Variants in EXD3 observed in about 807,000 individuals in gnomAD.
EXD3 encodes the protein exonuclease 3'-5' domain containing 3, also known as exonuclease mut-7 homolog.
EXD3 carries 92 observed loss-of-function variants against 98.0 expected under a neutral mutation model. The observed-to-expected ratio is 0.94, with a 90% CI of 0.79 to 1.12. EXD3 has a LOEUF of 1.12. EXD3 is among the 50% of genes most tolerant of loss of function. The probability of loss-of-function intolerance (pLI) is 0.00; values close to 1 mark genes in which losing one functional copy is unlikely to be tolerated. For missense variants in EXD3, 1,222 were observed against 1,191.6 expected (o/e 1.03, Z -0.38); for synonymous variants, 569 against 526.0 (o/e 1.08, Z -1.12).
chr9:137,396,659 T>G (rs1412119959), intron 1 of EXD3, among the ~76,000 whole-genome samples: 1 of 152,134 alleles, frequency 6.6e-6, no homozygotes. Context: ...CACAACCTCC[T>G]GAAAAAAGTT....
rs746568313 is a variant in EXD3, at chr9:137,324,087, C to T, written c.2052+3G>A. The T allele has an allele frequency of 1.3e-5, 21 of 1,585,776 alleles. No individual in the cohort carries two copies. Among genetic ancestry groups the T allele is most frequent in the Non-Finnish European group, 1.8e-5 (21 of 1,166,878 alleles). ...CCACTGAGCTTATCTTTGGGACACT[C>T]ACCTTGTGGAATGGCTGCCCCGACG... is the stretch of plus-strand genomic sequence containing the variant. On this transcript the variant is annotated splice_donor_region_variant and intron_variant, in intron 18 of 21. Coordinates refer to ENST00000340951, the MANE Select transcript of EXD3 (RefSeq NM_017820.5). The surrounding 1 kb of genome is among the most constrained non-coding windows in gnomAD (Gnocchi z 4.1).
At chr9:137,319,801 T>C (rs1831928543) in intron 19 of EXD3, among the ~76,000 whole-genome samples, 1 of 152,176 alleles carries the variant, frequency 6.6e-6, no homozygotes, top group Admixed American at 6.5e-5. Flanking sequence ...TAGACCCCTT[T>C]CTTGCTCTCC....
intron 2 of EXD3, among the ~76,000 whole-genome samples, chr9:137,384,192 G>A (rs572582849): frequency 6.6e-6 from 1 of 152,340 alleles, no homozygotes; most frequent in African/African-American, 2.4e-5. Flanking sequence ...CGGGAACAGG[G>A]AAGGCCCCGT....
chr9:137,368,839 C>A (rs1455778491), intron 5 of EXD3, among the ~76,000 whole-genome samples: 4 of 151,596 alleles, frequency 2.6e-5, no homozygotes, highest in Non-Finnish European at 4.4e-5. Flanking sequence ...GCCCATGGGG[C>A]GCAGGGCCCG....
intron 10 of EXD3, chr9:137,353,974 T>G (rs9696222): frequency 0.89 from 963,279 of 1,083,778 alleles, 428,302 homozygotes; most frequent in East Asian, 1. Context: ...GGCACCGGGC[T>G]GGGGGGGCCT....
At chr9:137,384,633 GA>G (rs1298404887) in intron 2 of EXD3, among the ~76,000 whole-genome samples, 1 of 152,244 alleles carries the variant, frequency 6.6e-6, no homozygotes, top group Non-Finnish European at 1.5e-5. Context: ...TGATTACACA[GA>G]AAGCCACGAA....
intron 1 of EXD3, among the ~76,000 whole-genome samples, chr9:137,401,725 C>T (rs1468651680): frequency 6.6e-6 from 1 of 152,212 alleles, no homozygotes; most frequent in East Asian, 1.9e-4. Context: ...GGACATGGGG[C>T]ACCAAGTCCC....
At chr9:137,317,104 G>A (rs1831715235) in intron 19 of EXD3, among the ~76,000 whole-genome samples, 1 of 152,156 alleles carries the variant, frequency 6.6e-6, no homozygotes, top group African/African-American at 2.4e-5. Context: ...GGGAAGGAAA[G>A]GGTCAGGAGA....
At position 137,403,310 on chromosome 9, in the gene EXD3, G is replaced by A. The variant is rs555985911; in HGVS notation, c.-47-7906C>T. Among the ~76,000 whole-genome samples, 5 of 152,126 alleles carry A rather than the reference G, an allele frequency of 3.3e-5. No individual in the cohort carries two copies. In the South Asian group the frequency reaches 1.0e-3, roughly 32 times the overall value. ...GCAGACCCGAACGCGTCTCCTCCCG[G>A]CTGGTCTGTCCAGGAAAAAGCCCTC... On this transcript the variant is annotated intron_variant, in intron 1 of 21. Coordinates refer to ENST00000340951, the MANE Select transcript of EXD3 (RefSeq NM_017820.5). The surrounding 1 kb of genome is among the most constrained non-coding windows in gnomAD (Gnocchi z 6.1).
intron 1 of EXD3, among the ~76,000 whole-genome samples, chr9:137,417,777 C>T (rs1838307881): frequency 6.6e-6 from 1 of 152,132 alleles, no homozygotes; most frequent in Non-Finnish European, 1.5e-5. Context: ...GGGCCCTTCC[C>T]GCCTCCTTCA....
intron 5 of EXD3, among the ~76,000 whole-genome samples, chr9:137,370,522 A>C (rs1210845662): frequency 6.6e-6 from 1 of 151,160 alleles, no homozygotes; most frequent in East Asian, 2.0e-4. Flanking sequence ...CACCAGGAAG[A>C]GAGAGACGAG....
intron 1 of EXD3, among the ~76,000 whole-genome samples, chr9:137,412,620 G>A (rs1838053803): frequency 6.6e-6 from 1 of 152,076 alleles, no homozygotes. Flanking sequence ...CCAGAGGCAC[G>A]AGGGCACAGC....
intron 1 of EXD3, among the ~76,000 whole-genome samples, chr9:137,400,101 A>T (rs578217677): frequency 6.6e-6 from 1 of 152,050 alleles, no homozygotes; most frequent in African/African-American, 2.4e-5. Flanking sequence ...GTCAGATCTC[A>T]TGAGACTTAC....
rs542428399 is a variant in EXD3, at chr9:137,368,565, G to A, written c.463-576C>T. Among the ~76,000 whole-genome samples the A allele has an allele frequency of 3.9e-5, 6 of 152,316 alleles. No homozygotes were observed. In the East Asian group the frequency reaches 1.2e-3, roughly 29 times the overall value. The stretch of plus-strand genomic sequence containing the variant: ...GCCCTGACCGCCTGCACGTACCACG[G>A]GCCTGAGCTGCTATTAATAATTTCC... On this transcript the variant is annotated intron_variant, in intron 5 of 21. Coordinates refer to ENST00000340951, the MANE Select transcript of EXD3 (RefSeq NM_017820.5).
chr9:137,376,409 C>T (rs1835907049), intron 3 of EXD3, among the ~76,000 whole-genome samples: 1 of 150,346 alleles, frequency 6.7e-6, no homozygotes, highest in African/African-American at 2.4e-5. Context: ...TCACCAGACA[C>T]TCCCTACAGG....
intron 17 of EXD3, among the ~76,000 whole-genome samples, chr9:137,325,478 G>C (rs1353578953): frequency 6.6e-6 from 1 of 152,066 alleles, no homozygotes; most frequent in East Asian, 1.9e-4. Context: ...TGTCGCCCAG[G>C]CTGGAGTGCA....
In EXD3 at chr9:137,371,987, C is replaced by T. The variant is rs1387710513; in HGVS notation, c.462+918G>A. On this transcript the variant is annotated intron_variant, in intron 5 of 21. Coordinates refer to ENST00000340951, the MANE Select transcript of EXD3 (RefSeq NM_017820.5). This position sits in a 1 kb window ranked among gnomAD's most constrained non-coding sequence, Gnocchi z 8.0. ...AAACCCAAGTCACAGCTTGGCCAGGCTCAGGACGACGGGGCTGTGATGCTA... is the reference window on the plus strand; with the variant it reads ...AAACCCAAGTCACAGCTTGGCCAGGTTCAGGACGACGGGGCTGTGATGCTA... Among the ~76,000 whole-genome samples, 1 of 152,192 alleles carries T rather than the reference C, an allele frequency of 6.6e-6. No homozygotes were observed. The highest frequency in any genetic ancestry group is 2.4e-5 in the African/African-American group (1 of 41,458).
At chr9:137,375,931 G>C (rs183657092) in intron 3 of EXD3, among the ~76,000 whole-genome samples, 1 of 152,222 alleles carries the variant, frequency 6.6e-6, no homozygotes, top group African/African-American at 2.4e-5. Flanking sequence ...GGGGAGTAAC[G>C]GGACATCGAT....
In EXD3 at chr9:137,323,709, G is replaced by A. The variant is rs1167917917; in HGVS notation, c.2184+16C>T. ...CTTGTGCCAGCCCCAGGTAGGACGG[G>A]GTGCGCAGGACCCACCTGGCAGCGG... is the stretch of plus-strand genomic sequence containing the variant. On this transcript the variant is annotated intron_variant, in intron 19 of 21. Transcript: ENST00000340951. 6 of 1,610,318 alleles carry A rather than the reference G, an allele frequency of 3.7e-6. No homozygotes were observed. The highest frequency in any genetic ancestry group is 1.3e-5 in the African/African-American group (1 of 74,884).
Sources: allele counts gnomAD v4.1 joint callset (sites outside exome capture counted in the v4.1 genomes callset), GRCh38; gene constraint gnomAD v4.1.1; non-coding constraint Gnocchi (gnomAD v3.1); transcripts MANE v1.5; gene names NCBI Gene and HGNC (gene_info 2026-07-23, HGNC 2026-07-21).